BRAF: variants seen among roughly 807,000 people sequenced by gnomAD.
BRAF encodes B-Raf proto-oncogene, serine/threonine kinase, also known as serine/threonine-protein kinase B-raf.
In BRAF, 16 loss-of-function variants were observed where a neutral mutation model predicts 104.6. The ratio of observed to expected loss-of-function variants is 0.15; its 90% CI spans 0.10 to 0.23. The LOEUF (loss-of-function observed/expected upper bound fraction) is 0.23, where lower values mean the gene tolerates loss of function less well. Among genes scored for constraint, BRAF ranks in the 10% least tolerant of loss-of-function variants. The pLI is 1.00. For synonymous variants in BRAF, 310 were observed against 341.6 expected (o/e 0.91, Z 1.02); for missense variants, 541 against 937.3 (o/e 0.58, Z 5.52).
chr7:140,724,382 G>A lies in BRAF; in HGVS notation c.*2112C>T, dbSNP rs1391544530. On this transcript the variant is annotated 3_prime_UTR_variant, in exon 20 of 20. Coordinates refer to ENST00000644969, the MANE Select transcript of BRAF (RefSeq NM_001374258.1). ...AAGCATCTAGAGATATATTTAAAAA[G>A]AAAAAACAGCCAATGCTTTTCAAGA... is the stretch of plus-strand genomic sequence containing the variant. The A allele has an allele frequency of 1.9e-6, 2 of 1,055,068 alleles. No individual in the cohort carries two copies. Among genetic ancestry groups the A allele is most frequent in the Non-Finnish European group, 2.3e-6 (2 of 872,990 alleles). 65.4% of individuals were successfully genotyped at this position (1,055,068 alleles called of 1,614,324 possible). A position where few individuals can be genotyped will look rare whatever the true frequency, so the allele number is the denominator to read the frequency against.
intron 19 of BRAF, chr7:140,733,865 G>T: frequency 6.4e-6 from 3 of 471,466 alleles, no homozygotes; most frequent in Non-Finnish European, 8.4e-6. Flanking sequence ...CTACATGAGC[G>T]AGACATCCTT....
At chr7:140,797,791 G>T (rs1802641540) in intron 7 of BRAF, among the ~76,000 whole-genome samples, 1 of 152,086 alleles carries the variant, frequency 6.6e-6, no homozygotes, top group Non-Finnish European at 1.5e-5. Context: ...AAGGCATCAT[G>T]GTCTACAGAA....
intron 19 of BRAF, chr7:140,733,369 G>A (rs541437070): frequency 6.6e-6 from 1 of 152,306 alleles, no homozygotes; most frequent in East Asian, 1.9e-4. Context: ...ACCAAATTGA[G>A]TAAGTGAAGA....
intron 1 of BRAF, among the ~76,000 whole-genome samples, chr7:140,865,826 A>G (rs1369427939): frequency 2.0e-5 from 3 of 152,262 alleles, no homozygotes; most frequent in African/African-American, 7.2e-5. Flanking sequence ...CAATAAGCAG[A>G]AACTATTCTA....
intron 14 of BRAF, among the ~76,000 whole-genome samples, chr7:140,760,847 T>C (rs1421176312): frequency 1.3e-5 from 2 of 152,006 alleles, no homozygotes; most frequent in Admixed American, 6.5e-5. Context: ...GAAAAAAGAA[T>C]AAAAAGAAAC....
At chr7:140,923,242 T>G (rs920577403) in intron 1 of BRAF, among the ~76,000 whole-genome samples, 10 of 151,682 alleles carry the variant, frequency 6.6e-5, no homozygotes, top group South Asian at 2.1e-4. Flanking sequence ...ATTGAGAAAT[T>G]AGATGTTAAT....
At position 140,801,483 on chromosome 7, in the gene BRAF, T is replaced by G. The variant is rs986525858; in HGVS notation, c.789A>C (p.Thr263=). ...AACGCTGGTGAAATTTATAACCACA[T>G]GTTTGACAGCGGAAACCCTGGAAAA... ...KLLFQGFRCQ[T]CGYKFHQRCS... The change falls in exon 6 of 20, where the codon ACA becomes ACC. Residue 263 remains threonine (T), a synonymous_variant. Transcript: ENST00000644969. 1.9e-6 allele frequency: 3 copies of G among 1,613,938 alleles called. No individual in the cohort carries two copies. The highest frequency in any genetic ancestry group is 1.6e-4 in the Middle Eastern group (1 of 6,072).
At chr7:140,739,783 C>T in intron 18 of BRAF, 29 bp downstream of exon 17, 4 of 1,611,108 alleles carry the variant, frequency 2.5e-6, no homozygotes, top group Non-Finnish European at 2.5e-6. Flanking sequence ...TTAGTCTGTT[C>T]TTTTGGATAG....
chr7:140,913,964 T>C (rs1227147579), intron 1 of BRAF, among the ~76,000 whole-genome samples: 2 of 152,198 alleles, frequency 1.3e-5, no homozygotes, highest in Admixed American at 6.5e-5. Flanking sequence ...GTAACATTAA[T>C]AGAATGTAGT....
chr7:140,775,352 T>C (rs1226228374), intron 14 of BRAF, among the ~76,000 whole-genome samples: 2 of 151,364 alleles, frequency 1.3e-5, no homozygotes, highest in African/African-American at 4.8e-5. Flanking sequence ...TTTAATTCTT[T>C]TTTTTTTTTT....
At chr7:140,840,751 C>T (rs899904513) in intron 2 of BRAF, among the ~76,000 whole-genome samples, 1 of 150,948 alleles carries the variant, frequency 6.6e-6, no homozygotes, top group African/African-American at 2.4e-5. Context: ...AGATGGTGCC[C>T]CTGCATTCCA....
At chr7:140,923,944 C>T (rs756310868) in intron 1 of BRAF, among the ~76,000 whole-genome samples, 4 of 152,002 alleles carry the variant, frequency 2.6e-5, no homozygotes, top group Non-Finnish European at 5.9e-5. Context: ...GGACCAGAGA[C>T]CAGAAAAGGC....
At chr7:140,834,483 G>A (rs1807103289) in intron 3 of BRAF, 126 bp downstream of exon 3, 4 of 1,292,544 alleles carry the variant, frequency 3.1e-6, no homozygotes, top group Non-Finnish European at 3.3e-6. Flanking sequence ...TTTCATTCCT[G>A]TATGACATGG....
At chr7:140,727,624 T>A (rs1795680104) in intron 19 of BRAF, among the ~76,000 whole-genome samples, 1 of 151,268 alleles carries the variant, frequency 6.6e-6, no homozygotes, top group Admixed American at 6.6e-5. Flanking sequence ...ATACCACTAT[T>A]TTTCTTTTTT....
At chr7:140,742,283 C>T (rs1304219668) in intron 17 of BRAF, among the ~76,000 whole-genome samples, 1 of 148,854 alleles carries the variant, frequency 6.7e-6, no homozygotes, top group African/African-American at 2.5e-5. Flanking sequence ...CCTCCCCTTC[C>T]TGGGTTCAAG....
At chr7:140,762,799 G>A (rs1357540684) in intron 14 of BRAF, among the ~76,000 whole-genome samples, 1 of 151,970 alleles carries the variant, frequency 6.6e-6, no homozygotes, top group African/African-American at 2.4e-5. Flanking sequence ...ATTAGGGAGT[G>A]GTGATGACTC....
intron 1 of BRAF, among the ~76,000 whole-genome samples, chr7:140,913,202 C>T (rs531461907): frequency 6.3e-4 from 95 of 151,996 alleles, no homozygotes; most frequent in African/African-American, 2.3e-3. Context: ...TTTGAACATA[C>T]TACATAATTT....
chr7:140,800,982 A>G (rs1173348782), intron 6 of BRAF: 2 of 207,928 alleles, frequency 9.6e-6, no homozygotes, highest in Non-Finnish European at 1.9e-5. Flanking sequence ...ATCTTACTCA[A>G]ATAAATTGGG....
chr7:140,783,293 A>T, intron 10 of BRAF, 136 bp from the exon 10 acceptor site: 1 of 1,120,892 alleles, frequency 8.9e-7, no homozygotes, highest in South Asian at 1.6e-5. Flanking sequence ...TTTGGAAAGG[A>T]TGGGCCAAAA....
Sources: allele counts gnomAD v4.1 joint callset (sites outside exome capture counted in the v4.1 genomes callset), GRCh38; gene constraint gnomAD v4.1.1; transcripts MANE v1.5; gene names NCBI Gene and HGNC (gene_info 2026-07-23, HGNC 2026-07-21).